The following GPC3 variants were observed in gnomAD, a reference collection of about 807,000 sequenced individuals.
GPC3 encodes glypican 3.
GPC3 carries 3 observed loss-of-function variants against 34.4 expected under a neutral mutation model. That is an observed-to-expected ratio of 0.09 (90% CI 0.04 to 0.23). The LOEUF (loss-of-function observed/expected upper bound fraction) is 0.23. Ranked by LOEUF, GPC3 falls within the 10% of genes least tolerant of loss-of-function variation. The pLI, the probability that GPC3 is intolerant of heterozygous loss-of-function variation, is 1.00. For synonymous variants in GPC3, 177 were observed against 174.0 expected, an observed-to-expected ratio of 1.02 and a Z score of -0.13; for missense variants, 351 against 445.6, an observed-to-expected ratio of 0.79 and a Z score of 1.91.
At chrX:133,732,165 A>C in intron 3 of GPC3, among the ~76,000 whole-genome samples, 1 of 111,671 alleles carries the variant, frequency 9.0e-6, no homozygotes, top group East Asian at 2.8e-4. Context: ...TCAGGATGCA[A>C]GGTTCAGAGA....
At chrX:133,842,042 C>A (rs1408119379) in intron 2 of GPC3, among the ~76,000 whole-genome samples, 1 of 112,380 alleles carries the variant, frequency 8.9e-6, no homozygotes, top group East Asian at 2.8e-4. Context: ...CCCTGCCGGG[C>A]ATGGTGGCTC....
chrX:133,662,830 A>G (rs1377671242), intron 5 of GPC3, among the ~76,000 whole-genome samples: 1 of 111,619 alleles, frequency 9.0e-6, no homozygotes, highest in East Asian at 2.8e-4. Flanking sequence ...AAAGAAATGA[A>G]AAGATTCCCA....
At chrX:133,786,518 T>C (rs2072103578) in intron 2 of GPC3, among the ~76,000 whole-genome samples, 1 of 112,159 alleles carries the variant, frequency 8.9e-6, no homozygotes, top group Admixed American at 9.3e-5. Context: ...GCCCCACAAG[T>C]GTGTATTAGA....
At chrX:133,924,519 C>A (rs754480167) in intron 2 of GPC3, among the ~76,000 whole-genome samples, 1 of 111,953 alleles carries the variant, frequency 8.9e-6, no homozygotes, top group Non-Finnish European at 1.9e-5. Flanking sequence ...GCCAGATGAC[C>A]ACAAGCAATT....
chrX:133,659,679 G>T (rs1348072490), intron 6 of GPC3, among the ~76,000 whole-genome samples: 1 of 111,728 alleles, frequency 9.0e-6, no homozygotes. Flanking sequence ...AAAGTCCCTG[G>T]CACCTGGCTG....
At chrX:133,793,274 T>G (rs1188546105) in intron 2 of GPC3, among the ~76,000 whole-genome samples, 1 of 111,636 alleles carries the variant, frequency 9.0e-6, no homozygotes, top group Non-Finnish European at 1.9e-5. Flanking sequence ...GTATTAAAGG[T>G]GTGCAAGAAA....
intron 7 of GPC3, among the ~76,000 whole-genome samples, chrX:133,557,504 C>A (rs988847247): frequency 9.0e-6 from 1 of 110,522 alleles, no homozygotes; most frequent in Non-Finnish European, 1.9e-5. Flanking sequence ...ACAAAACAAA[C>A]CCCAGCATGA....
intron 2 of GPC3, among the ~76,000 whole-genome samples, chrX:133,775,195 G>A (rs1221818255): frequency 1.8e-5 from 2 of 108,676 alleles, no homozygotes; most frequent in African/African-American, 6.7e-5. Flanking sequence ...TTATCAACAT[G>A]AGTTAACTTT....
intron 6 of GPC3, among the ~76,000 whole-genome samples, chrX:133,616,211 A>G (rs2070161935): frequency 8.9e-6 from 1 of 112,210 alleles, no homozygotes; most frequent in Non-Finnish European, 1.9e-5. Flanking sequence ...GATTGATATA[A>G]TAAATTAATT....
chrX:133,635,617 C>T (rs756788115), intron 6 of GPC3, among the ~76,000 whole-genome samples: 1 of 111,354 alleles, frequency 9.0e-6, no homozygotes, highest in African/African-American at 3.3e-5. Flanking sequence ...CATCAAACCA[C>T]AACCAACACA....
At chrX:133,916,757 T>A (rs375143196) in intron 2 of GPC3, among the ~76,000 whole-genome samples, 1 of 111,164 alleles carries the variant, frequency 9.0e-6, no homozygotes, top group African/African-American at 3.3e-5. Flanking sequence ...CACATGCCTG[T>A]AGTCCCAGCT....
chrX:133,985,200 G>A (rs1478653757), intron 1 of GPC3, 75 bp downstream of exon 1: 1 of 1,092,906 alleles, frequency 9.1e-7, no homozygotes, highest in Non-Finnish European at 1.3e-6. Flanking sequence ...CGGGGCTAGC[G>A]CGCTCAGGGT....
chrX:133,837,309 C>T (rs1353153888), intron 2 of GPC3, among the ~76,000 whole-genome samples: 1 of 111,291 alleles, frequency 9.0e-6, no homozygotes, highest in East Asian at 2.8e-4. Flanking sequence ...CTGCCAGCAA[C>T]AAGAAACTGT....
intron 2 of GPC3, among the ~76,000 whole-genome samples, chrX:133,884,159 CAAAG>C (rs902576025): frequency 1.8e-5 from 2 of 111,439 alleles, no homozygotes; most frequent in African/African-American, 6.5e-5. Flanking sequence ...GAGAGAGAGA[CAAAG>C]AGAACCAAAT....
chrX:133,832,140 C>T (rs769825530), intron 2 of GPC3, among the ~76,000 whole-genome samples: 3 of 109,692 alleles, frequency 2.7e-5, no homozygotes, highest in South Asian at 4.0e-4. Flanking sequence ...ATTAGCCAGG[C>T]GTAGTGGTAC....
intron 2 of GPC3, among the ~76,000 whole-genome samples, chrX:133,835,952 G>C (rs1252412781): frequency 8.9e-6 from 1 of 112,881 alleles, no homozygotes; most frequent in Non-Finnish European, 1.9e-5. Flanking sequence ...CTAGGCTAGA[G>C]AAGTAGTGAT....
rs995124914 is a variant in GPC3 at position 133,910,986 on chromosome X, C to A, written c.337+42064G>T. Among the ~76,000 whole-genome samples the A allele has an allele frequency of 3.6e-5, 4 of 111,818 alleles. No homozygotes were observed. In the Admixed American group the frequency reaches 3.8e-4, roughly 11 times the overall value. On this transcript the variant is annotated intron_variant, in intron 2 of 7. Coordinates refer to ENST00000370818, the MANE Select transcript of GPC3 (RefSeq NM_004484.4). Reference sequence around the variant, plus strand: ...GACCCTGTGTTCAACCTCACCTCCTCCCCACTGTCTTTCATCCAATTGGTA... The same window carrying A: ...GACCCTGTGTTCAACCTCACCTCCTACCCACTGTCTTTCATCCAATTGGTA...
At chrX:133,891,613 AAAATAAAT>A (rs774626195) in intron 2 of GPC3, among the ~76,000 whole-genome samples, 9 of 107,959 alleles carry the variant, frequency 8.3e-5, no homozygotes, top group African/African-American at 3.0e-4. Context: ...ACAAAAAGTA[AAAATAAAT>A]AAATAAATAA....
At chrX:133,932,915 C>CT (rs2076304861) in intron 2 of GPC3, among the ~76,000 whole-genome samples, 1 of 111,253 alleles carries the variant, frequency 9.0e-6, no homozygotes, top group South Asian at 3.8e-4. Context: ...GGAAAACAGC[C>CT]TTATATTTAA....
Sources: gnomAD v4.1 joint callset for allele counts (sites outside exome capture counted in the v4.1 genomes callset) on GRCh38, gnomAD v4.1.1 for gene constraint, MANE v1.5 for transcripts, NCBI Gene and HGNC (gene_info 2026-07-23, HGNC 2026-07-21) for gene names.